CHRM3: variants seen among roughly 807,000 people sequenced by gnomAD.
CHRM3 encodes the protein muscarinic acetylcholine receptor M3.
Under a neutral mutation model 41.8 loss-of-function variants are expected in CHRM3, and 11 were observed. The ratio of observed to expected loss-of-function variants is 0.26; its 90% CI spans 0.17 to 0.44. The LOEUF (loss-of-function observed/expected upper bound fraction) is 0.44. CHRM3 is among the 20% of genes least tolerant of loss of function. The pLI is 1.00. For missense variants in CHRM3, 571 were observed against 745.4 expected (o/e 0.77, Z 2.72); for synonymous variants, 297 against 301.4 (o/e 0.99, Z 0.15).
intron 3 of CHRM3, among the ~76,000 whole-genome samples, chr1:239,597,336 C>T (rs531543277): frequency 1.8e-4 from 27 of 152,242 alleles, no homozygotes; most frequent in African/African-American, 6.5e-4. Flanking sequence ...TGGCCCTATA[C>T]ACAAGGAAAT....
At chr1:239,688,184 C>T (rs1558455485) in intron 5 of CHRM3, among the ~76,000 whole-genome samples, 1 of 134,450 alleles carries the variant, frequency 7.4e-6, no homozygotes. Context: ...ATATAATATA[C>T]ACATACACAT....
intron 5 of CHRM3, among the ~76,000 whole-genome samples, chr1:239,729,383 G>T (rs1047474612): frequency 2.0e-5 from 3 of 151,868 alleles, no homozygotes; most frequent in Non-Finnish European, 2.9e-5. Context: ...GCTGAACTGC[G>T]TACTTCTTTC....
chr1:239,805,723 A>G (rs905342133), intron 5 of CHRM3, among the ~76,000 whole-genome samples: 4 of 152,178 alleles, frequency 2.6e-5, no homozygotes, highest in African/African-American at 9.7e-5. Flanking sequence ...TAATAAAAAT[A>G]TATTGCCATA....
At chr1:239,610,109 C>T (rs968648330) in intron 3 of CHRM3, among the ~76,000 whole-genome samples, 3 of 145,510 alleles carry the variant, frequency 2.1e-5, no homozygotes, top group South Asian at 2.3e-4. Context: ...AGGAGAATGG[C>T]GTGAACCTGG....
chr1:239,454,081 A>G (rs1664754618), intron 1 of CHRM3, among the ~76,000 whole-genome samples: 1 of 151,992 alleles, frequency 6.6e-6, no homozygotes, highest in East Asian at 1.9e-4. Flanking sequence ...TCTCCAGAGG[A>G]TGCTGACTGG....
chr1:239,439,704 T>C lies in CHRM3; in HGVS notation c.-521+52477T>C, dbSNP rs1278258448. On this transcript the variant is annotated intron_variant, in intron 1 of 6. Transcript: ENST00000676153. ...TTTAAGACTTGTTGGTTGATCATGA[T>C]CTATTATGGTCATTGCATATCATTA... Among the ~76,000 whole-genome samples, 8 of 152,306 alleles carry C rather than the reference T, an allele frequency of 5.3e-5. No homozygotes were observed. In the South Asian group the frequency reaches 8.3e-4, roughly 16 times the overall value.
At chr1:239,889,172 G>T (rs890738780) in intron 6 of CHRM3, among the ~76,000 whole-genome samples, 1 of 152,142 alleles carries the variant, frequency 6.6e-6, no homozygotes, top group African/African-American at 2.4e-5. Context: ...GAATGCAGGG[G>T]GGTTTATAGA....
Position 239,915,439 on chromosome 1 carries a change from T to A in CHRM3, c.*6215T>A, listed in dbSNP as rs568973547. The A allele has an allele frequency of 1.2e-5, 2 of 167,192 alleles. No homozygotes were observed. Among genetic ancestry groups the A allele is most frequent in the East Asian group, 3.9e-4 (2 of 5,190 alleles). 10.4% of individuals were successfully genotyped at this position (167,192 alleles called of 1,614,324 possible). A position where few individuals can be genotyped will look rare whatever the true frequency, so the allele number is the denominator to read the frequency against. On this transcript the variant is annotated 3_prime_UTR_variant, in exon 7 of 7. Transcript: ENST00000676153. ...ACAGTGAAATAAGTAAATAAAACTA[T>A]TATTGAACAAAGAGTGTGGTTTGCT...
intron 1 of CHRM3, among the ~76,000 whole-genome samples, chr1:239,411,108 G>A (rs1661027733): frequency 6.6e-6 from 1 of 152,138 alleles, no homozygotes; most frequent in South Asian, 2.1e-4. Flanking sequence ...TAATGCTTTA[G>A]TGTTGGCTCA....
At chr1:239,640,743 G>T (rs1467464407) in intron 4 of CHRM3, among the ~76,000 whole-genome samples, 1 of 150,366 alleles carries the variant, frequency 6.7e-6, no homozygotes, top group Non-Finnish European at 1.5e-5. Flanking sequence ...TTTTTTGAAG[G>T]GCTTTTTGTG....
intron 6 of CHRM3, among the ~76,000 whole-genome samples, chr1:239,866,456 G>T (rs1033991091): frequency 6.6e-6 from 1 of 151,750 alleles, no homozygotes; most frequent in Non-Finnish European, 1.5e-5. Context: ...GTGGATCCTA[G>T]ATTCACCAGA....
chr1:239,816,223 GGCT>G (rs1558148207), intron 5 of CHRM3, among the ~76,000 whole-genome samples: 2 of 152,106 alleles, frequency 1.3e-5, no homozygotes, highest in South Asian at 4.1e-4. Flanking sequence ...TGCGATTGAT[GGCT>G]GCTGCTGCCC....
chr1:239,866,926 A>G (rs1676160807), intron 6 of CHRM3, among the ~76,000 whole-genome samples: 2 of 152,230 alleles, frequency 1.3e-5, no homozygotes, highest in South Asian at 2.1e-4. Flanking sequence ...CACAATTCAC[A>G]TGGCAGAATG....
intron 5 of CHRM3, among the ~76,000 whole-genome samples, chr1:239,792,327 C>G (rs1408624613): frequency 6.6e-6 from 1 of 152,170 alleles, no homozygotes; most frequent in Non-Finnish European, 1.5e-5. Flanking sequence ...TCTCTGAAAT[C>G]TCTGTGATCT....
At chr1:239,468,210 C>T (rs377451204) in intron 1 of CHRM3, among the ~76,000 whole-genome samples, 72 of 152,220 alleles carry the variant, frequency 4.7e-4, no homozygotes, top group African/African-American at 1.6e-3. Flanking sequence ...CTCTCACTGG[C>T]ACTTCTGAAA....
At chr1:239,900,799 G>A (rs1209703573) in intron 6 of CHRM3, among the ~76,000 whole-genome samples, 1 of 152,172 alleles carries the variant, frequency 6.6e-6, no homozygotes, top group Non-Finnish European at 1.5e-5. Flanking sequence ...TTATGTGTGA[G>A]ACAATACATT....
intron 5 of CHRM3, among the ~76,000 whole-genome samples, chr1:239,771,850 G>C (rs1667702816): frequency 1.3e-5 from 2 of 152,216 alleles, no homozygotes; most frequent in African/African-American, 4.8e-5. Flanking sequence ...ATGAAAAGCA[G>C]TGTGGTCAAT....
intron 5 of CHRM3, among the ~76,000 whole-genome samples, chr1:239,734,565 A>G (rs1330642543): frequency 6.6e-6 from 1 of 152,104 alleles, no homozygotes; most frequent in Admixed American, 6.6e-5. Flanking sequence ...GCTGTACTTC[A>G]GGCTGTACCA....
chr1:239,770,398 A>G (rs1326762597), intron 5 of CHRM3, among the ~76,000 whole-genome samples: 2 of 152,228 alleles, frequency 1.3e-5, no homozygotes, highest in Non-Finnish European at 2.9e-5. Flanking sequence ...TGGTCAAGTG[A>G]AAGACATAAT....
Sources: gnomAD v4.1 joint callset for allele counts (sites outside exome capture counted in the v4.1 genomes callset) on GRCh38, gnomAD v4.1.1 for gene constraint, MANE v1.5 for transcripts, NCBI Gene and HGNC (gene_info 2026-07-23, HGNC 2026-07-21) for gene names.